Variants in CNTNAP2 observed in about 807,000 individuals in gnomAD.
CNTNAP2 encodes the protein contactin-associated protein-like 2.
Under a neutral mutation model 155.2 loss-of-function variants are expected in CNTNAP2, and 98 were observed. The ratio of observed to expected loss-of-function variants is 0.63; its 90% CI spans 0.54 to 0.75. The LOEUF (loss-of-function observed/expected upper bound fraction) is 0.75, where lower values mean the gene tolerates loss of function less well. Among genes scored for constraint, CNTNAP2 ranks in the 30% least tolerant of loss-of-function variants. The pLI is 0.00. For synonymous variants in CNTNAP2, 651 were observed against 631.2 expected (o/e 1.03, Z -0.47); for missense variants, 1,727 against 1,688.1 (o/e 1.02, Z -0.40).
At chr7:146,183,606 AAATAATAATAAT>A (rs55823511) in intron 1 of CNTNAP2, among the ~76,000 whole-genome samples, 3 of 143,442 alleles carry the variant, frequency 2.1e-5, no homozygotes, top group South Asian at 2.3e-4. Flanking sequence ...ATCACCACAC[AAATAATAATAAT>A]AATAATAATA....
At chr7:147,402,272 C>G (rs1796929815) in intron 10 of CNTNAP2, among the ~76,000 whole-genome samples, 1 of 152,166 alleles carries the variant, frequency 6.6e-6, no homozygotes, top group Non-Finnish European at 1.5e-5. Flanking sequence ...GTTATCACCA[C>G]AGGGGTGGGA....
chr7:147,848,367 C>A (rs368190061), intron 13 of CNTNAP2, among the ~76,000 whole-genome samples: 1 of 150,290 alleles, frequency 6.7e-6, no homozygotes, highest in African/African-American at 2.4e-5. Context: ...TTTCCAGGTG[C>A]GTCCGTCACC....
chr7:147,260,895 G>A (rs1371648999), intron 8 of CNTNAP2, among the ~76,000 whole-genome samples: 2 of 152,140 alleles, frequency 1.3e-5, no homozygotes, highest in Non-Finnish European at 1.5e-5. Flanking sequence ...TAAATACTTG[G>A]CACTCACTCC....
At chr7:148,326,292 G>A (rs1172096961) in intron 21 of CNTNAP2, among the ~76,000 whole-genome samples, 2 of 152,174 alleles carry the variant, frequency 1.3e-5, no homozygotes, top group African/African-American at 4.8e-5. Flanking sequence ...ATCATCCAGA[G>A]GGAAGCTGGA....
intron 1 of CNTNAP2, among the ~76,000 whole-genome samples, chr7:146,521,842 A>G (rs901278425): frequency 1.3e-5 from 2 of 152,016 alleles, no homozygotes; most frequent in Non-Finnish European, 2.9e-5. Flanking sequence ...GGTTAAGAAA[A>G]ATATTAGATT....
At chr7:147,307,182 C>A (rs1209443382) in intron 9 of CNTNAP2, among the ~76,000 whole-genome samples, 1 of 152,174 alleles carries the variant, frequency 6.6e-6, no homozygotes, top group Non-Finnish European at 1.5e-5. Context: ...ACACCACTGG[C>A]ACCCCATCGA....
chr7:147,309,710 G>A (rs1795088423), intron 9 of CNTNAP2, among the ~76,000 whole-genome samples: 1 of 152,032 alleles, frequency 6.6e-6, no homozygotes, highest in African/African-American at 2.4e-5. Flanking sequence ...TTTATGCAAT[G>A]TTCCTCATTT....
At chr7:146,389,786 T>C (rs1160049819) in intron 1 of CNTNAP2, among the ~76,000 whole-genome samples, 1 of 151,006 alleles carries the variant, frequency 6.6e-6, no homozygotes, top group Non-Finnish European at 1.5e-5. Flanking sequence ...CTGCAAGCTC[T>C]GCCTTCCGGG....
chr7:147,386,183 T>C (rs1159544248), intron 9 of CNTNAP2, among the ~76,000 whole-genome samples: 1 of 152,070 alleles, frequency 6.6e-6, no homozygotes, highest in Non-Finnish European at 1.5e-5. Flanking sequence ...AATGATTTTT[T>C]CCTCCCTAAA....
In CNTNAP2 at chr7:147,830,222, C is replaced by T. The variant is rs149862613; in HGVS notation, c.2099-73343C>T. ...ATAAACAACAGGAATTCATTTCTCA[C>T]GGCTCTGGAGGCTGGGAAGTCCAAG... On this transcript the variant is annotated intron_variant, in intron 13 of 23. Transcript: ENST00000361727. 2.5e-3 allele frequency among the ~76,000 whole-genome samples: 375 copies of T among 151,548 alleles called. 1 individual carries two copies. The highest frequency in any genetic ancestry group is 8.4e-3 in the African/African-American group (346 of 41,298).
chr7:147,223,823 C>G (rs950951435), intron 8 of CNTNAP2, among the ~76,000 whole-genome samples: 1 of 151,582 alleles, frequency 6.6e-6, no homozygotes, highest in Non-Finnish European at 1.5e-5. Context: ...CACCTGTAGT[C>G]CTAGCTACTT....
intron 15 of CNTNAP2, among the ~76,000 whole-genome samples, chr7:148,084,654 T>C (rs1803683568): frequency 6.6e-6 from 1 of 152,242 alleles, no homozygotes; most frequent in Admixed American, 6.5e-5. Context: ...ACTTGCTTAA[T>C]TGTATTAATT....
intron 18 of CNTNAP2, among the ~76,000 whole-genome samples, chr7:148,214,846 G>C (rs926584572): frequency 6.6e-6 from 1 of 152,162 alleles, no homozygotes; most frequent in African/African-American, 2.4e-5. Flanking sequence ...TGGGATTACA[G>C]GCGAGAGCCA....
intron 10 of CNTNAP2, among the ~76,000 whole-genome samples, chr7:147,429,736 A>G (rs1797436388): frequency 6.6e-6 from 1 of 152,148 alleles, no homozygotes; most frequent in African/African-American, 2.4e-5. Context: ...TGATTTTTGT[A>G]TAAAGTGAGA....
chr7:146,175,185 A>C (rs1798452549), intron 1 of CNTNAP2, among the ~76,000 whole-genome samples: 1 of 152,216 alleles, frequency 6.6e-6, no homozygotes, highest in Non-Finnish European at 1.5e-5. Context: ...GGATCCCCAG[A>C]GGCAGAGTCA....
intron 14 of CNTNAP2, among the ~76,000 whole-genome samples, chr7:147,914,543 C>CA (rs533915488): frequency 0.054 from 4,645 of 85,582 alleles, 208 homozygotes; most frequent in African/African-American, 0.16. Flanking sequence ...TCCATCTAAC[C>CA]AAAAAAAAAA....
chr7:147,949,904 G>A (rs188281859), intron 14 of CNTNAP2, among the ~76,000 whole-genome samples: 1 of 152,262 alleles, frequency 6.6e-6, no homozygotes, highest in Admixed American at 6.5e-5. Context: ...GAAATAAGAA[G>A]AGGCTATGAT....
At chr7:146,785,418 T>A (rs1263038463) in intron 2 of CNTNAP2, among the ~76,000 whole-genome samples, 2 of 152,250 alleles carry the variant, frequency 1.3e-5, no homozygotes, top group Non-Finnish European at 2.9e-5. Context: ...ACTTTCATGC[T>A]GTACTTATGC....
chr7:146,732,430 T>C (rs1177223337), intron 1 of CNTNAP2, among the ~76,000 whole-genome samples: 1 of 152,054 alleles, frequency 6.6e-6, no homozygotes, highest in Non-Finnish European at 1.5e-5. Flanking sequence ...GTGAGGAAAA[T>C]ATTGTATGTC....
Sources: allele counts gnomAD v4.1 joint callset (sites outside exome capture counted in the v4.1 genomes callset), GRCh38; gene constraint gnomAD v4.1.1; transcripts MANE v1.5; gene names NCBI Gene and HGNC (gene_info 2026-07-23, HGNC 2026-07-21).